BBS9: variants seen among roughly 807,000 people sequenced by gnomAD.
The protein encoded by BBS9 is protein PTHB1.
A neutral mutation model predicts 117.7 loss-of-function variants in BBS9; 89 were observed. That is an observed-to-expected ratio of 0.76 (90% CI 0.64 to 0.90). The LOEUF (loss-of-function observed/expected upper bound fraction) is 0.90, where lower values mean the gene tolerates loss of function less well. Among genes scored for constraint, BBS9 ranks in the 40% least tolerant of loss-of-function variants. The pLI is 0.00. For synonymous variants in BBS9, 379 were observed against 370.9 expected (o/e 1.02, Z -0.25); for missense variants, 982 against 1,042.2 (o/e 0.94, Z 0.80).
intron 5 of BBS9, among the ~76,000 whole-genome samples, chr7:33,203,616 C>T (rs1007324084): frequency 6.6e-6 from 1 of 152,164 alleles, no homozygotes; most frequent in Non-Finnish European, 1.5e-5. Flanking sequence ...CACAGGAGTT[C>T]AGCAGACTAT....
chr7:33,439,728 C>G (rs1835871756), intron 19 of BBS9, among the ~76,000 whole-genome samples: 1 of 152,124 alleles, frequency 6.6e-6, no homozygotes, highest in African/African-American at 2.4e-5. Context: ...AGGGTTTCAC[C>G]ATGTTGACCA....
intron 1 of BBS9, among the ~76,000 whole-genome samples, chr7:33,130,503 A>G (rs754630653): frequency 6.6e-6 from 1 of 152,186 alleles, no homozygotes; most frequent in Non-Finnish European, 1.5e-5. Flanking sequence ...TTTGACTTCA[A>G]TTTCCTGGAG....
In BBS9 at chr7:33,405,274, A is replaced by G. The variant is rs191564759; in HGVS notation, c.2115+17130A>G. Among the ~76,000 whole-genome samples the G allele has an allele frequency of 2.1e-3, 326 of 152,256 alleles. 1 individual carries two copies. The highest frequency in any genetic ancestry group is 6.9e-3 in the African/African-American group (288 of 41,548). On this transcript the variant is annotated intron_variant, in intron 19 of 22. Transcript: ENST00000242067. The stretch of plus-strand genomic sequence containing the variant: ...GTATTTTATTGAGGTTTTTGCATCA[A>G]TGTTCATCAAGGATATTGGTCTAAA...
intron 9 of BBS9, among the ~76,000 whole-genome samples, chr7:33,283,992 C>T (rs1395421060): frequency 6.6e-6 from 1 of 152,096 alleles, no homozygotes; most frequent in Non-Finnish European, 1.5e-5. Flanking sequence ...TCAGTGGCTG[C>T]CGCTTGTCTT....
chr7:33,625,990 A>G (rs986228712), intron 21 of BBS9, among the ~76,000 whole-genome samples: 1 of 152,098 alleles, frequency 6.6e-6, no homozygotes, highest in Non-Finnish European at 1.5e-5. Context: ...TCCATTTTGG[A>G]AGTGATATGG....
In BBS9 at chr7:33,633,893, T is replaced by C. The variant is rs559408845; in HGVS notation, c.2522-1284T>C. Among the ~76,000 whole-genome samples the C allele has an allele frequency of 2.0e-5, 3 of 152,310 alleles. No homozygotes were observed. In the South Asian group the frequency reaches 6.2e-4, roughly 32 times the overall value. On this transcript the variant is annotated intron_variant, in intron 21 of 21. Coordinates refer to the BBS9 transcript ENST00000671952. The stretch of plus-strand genomic sequence containing the variant: ...TGTTTCCCTATCCAGCCCTCTTTGC[T>C]CTCTGCCAACCCTGCCTGCAGAGTC...
At chr7:33,515,633 A>G (rs192443247) in intron 20 of BBS9, among the ~76,000 whole-genome samples, 2 of 152,382 alleles carry the variant, frequency 1.3e-5, no homozygotes, top group African/African-American at 4.8e-5. Context: ...ATAGTCCTAC[A>G]TGATACATTA....
intron 15 of BBS9, among the ~76,000 whole-genome samples, chr7:33,353,618 T>C (rs950422851): frequency 2.0e-5 from 3 of 147,742 alleles, no homozygotes; most frequent in African/African-American, 4.9e-5. Flanking sequence ...AGATATAGAC[T>C]TAATGTGGTA....
chr7:33,165,874 G>A lies in BBS9; in HGVS notation c.328+10172G>A, dbSNP rs186871006. 1.3e-3 allele frequency among the ~76,000 whole-genome samples: 198 copies of A among 152,152 alleles called. 1 individual carries two copies. The highest frequency in any genetic ancestry group is 3.7e-3 in the African/African-American group (154 of 41,508). The stretch of plus-strand genomic sequence containing the variant: ...CTCATTCTCCGTCAAGCTTTGTTCC[G>A]TTGCTGGCAAGGAGCTGCAATCCTT... On this transcript the variant is annotated intron_variant, in intron 4 of 22. Coordinates refer to ENST00000242067, the MANE Select transcript of BBS9 (RefSeq NM_198428.3).
At chr7:33,593,263 A>G (rs1221493855) in intron 21 of BBS9, among the ~76,000 whole-genome samples, 1 of 152,168 alleles carries the variant, frequency 6.6e-6, no homozygotes, top group Non-Finnish European at 1.5e-5. Context: ...AAAAGCAAAT[A>G]TTAACTTTCT....
intron 5 of BBS9, among the ~76,000 whole-genome samples, chr7:33,197,118 T>C (rs996155471): frequency 3.3e-5 from 5 of 151,858 alleles, no homozygotes; most frequent in Admixed American, 3.3e-4. Context: ...AAAAAAAAAA[T>C]AATTTCTTTC....
chr7:33,137,932 ATTG>A (rs1790790672), intron 1 of BBS9, among the ~76,000 whole-genome samples: 1 of 152,190 alleles, frequency 6.6e-6, no homozygotes, highest in East Asian at 1.9e-4. Context: ...GCTCTGAAAT[ATTG>A]TTGTTCTGAA....
At chr7:33,440,512 A>G (rs1328418663) in intron 19 of BBS9, among the ~76,000 whole-genome samples, 1 of 152,180 alleles carries the variant, frequency 6.6e-6, no homozygotes, top group Non-Finnish European at 1.5e-5. Flanking sequence ...TGGGGATGCT[A>G]CTGTGTAGCA....
chr7:33,490,598 T>C (rs1843757722), intron 19 of BBS9, among the ~76,000 whole-genome samples: 1 of 152,220 alleles, frequency 6.6e-6, no homozygotes, highest in African/African-American at 2.4e-5. Context: ...CCAGTTTCAG[T>C]TGCTCATTGA....
At chr7:33,320,050 A>G (rs1487099390) in intron 9 of BBS9, among the ~76,000 whole-genome samples, 2 of 152,132 alleles carry the variant, frequency 1.3e-5, no homozygotes, top group African/African-American at 4.8e-5. Flanking sequence ...TAATAATCAC[A>G]TCAAGGCAAT....
chr7:33,403,950 T>C (rs1174691258), intron 19 of BBS9, among the ~76,000 whole-genome samples: 1 of 152,168 alleles, frequency 6.6e-6, no homozygotes, highest in African/African-American at 2.4e-5. Context: ...AAAGTGTTCC[T>C]ATTTCTCCAC....
intron 5 of BBS9, among the ~76,000 whole-genome samples, chr7:33,189,723 TA>T (rs1478331911): frequency 6.6e-6 from 1 of 151,084 alleles, no homozygotes; most frequent in Non-Finnish European, 1.5e-5. Flanking sequence ...CCGCCTCTAC[TA>T]AAAATACAAA....
chr7:33,298,948 T>TTTTAGTTCA (rs1187571686), intron 9 of BBS9, among the ~76,000 whole-genome samples: 1 of 152,186 alleles, frequency 6.6e-6, no homozygotes, highest in Non-Finnish European at 1.5e-5. Flanking sequence ...GGAGAAAATA[T>TTTTAGTTCA]TTTAGTTCAT....
At position 33,435,665 on chromosome 7, in the gene BBS9, A is replaced by G. The variant is rs528244129; in HGVS notation, c.2115+47521A>G. ...GGGTTGGCAATATCCTGTGTTTGCA[A>G]CTGTTGGAACCAGTTTGCCCCATTT... is the stretch of plus-strand genomic sequence containing the variant. On this transcript the variant is annotated intron_variant, in intron 19 of 22. Transcript: ENST00000242067. Among the ~76,000 whole-genome samples the G allele has an allele frequency of 3.3e-5, 5 of 152,320 alleles. No homozygotes were observed. In the South Asian group the frequency reaches 1.0e-3, roughly 32 times the overall value.
Sources: allele counts gnomAD v4.1 joint callset (sites outside exome capture counted in the v4.1 genomes callset), GRCh38; gene constraint gnomAD v4.1.1; transcripts MANE v1.5; gene names NCBI Gene and HGNC (gene_info 2026-07-23, HGNC 2026-07-21).